Variants in SFXN3 observed in about 807,000 individuals in gnomAD.
SFXN3 encodes sideroflexin-3.
A neutral mutation model predicts 40.4 loss-of-function variants in SFXN3; 31 were observed. That is an observed-to-expected ratio of 0.77 (90% CI 0.58 to 1.04). The LOEUF is 1.04. SFXN3 is among the 50% of genes least tolerant of loss of function. The pLI is 0.00. For synonymous variants in SFXN3, 157 were observed against 160.0 expected, an observed-to-expected ratio of 0.98 and a Z score of 0.14; for missense variants, 366 against 408.2, an observed-to-expected ratio of 0.90 and a Z score of 0.89.
intron 9 of SFXN3, chr10:101,038,193 G>A: frequency 1.2e-6 from 1 of 833,040 alleles, no homozygotes; most frequent in Non-Finnish European, 1.5e-6. Context: ...GCAGTAGGAG[G>A]GGCTTGCACA....
chr10:101,037,701 C>G, intron 9 of SFXN3: 1 of 1,400,870 alleles, frequency 7.1e-7, no homozygotes, highest in Non-Finnish European at 9.3e-7. Context: ...AGGGGACTGT[C>G]ATAGTCATGC....
chr10:101,036,346 C>T lies in SFXN3; in HGVS notation c.432-140C>T, dbSNP rs557924423. ...CTGGGGCTTCTAGACAAGTTTACGC[C>T]GGAGATGGAGGGAAGGCTTCTTCTG... On this transcript the variant is annotated intron_variant, in intron 5 of 11. Transcript: ENST00000393459. The surrounding 1 kb of genome is among the most constrained non-coding windows in gnomAD (Gnocchi z 4.2). 1.2e-4 allele frequency: 102 copies of T among 861,762 alleles called. 1 individual carries two copies. In the South Asian group the frequency reaches 1.4e-3, roughly 12 times the overall value. 53.4% of individuals were successfully genotyped at this position (861,762 alleles called of 1,614,324 possible).
At position 101,039,281 on chromosome 10, in the gene SFXN3, C is replaced by A; in HGVS notation, c.869+59C>A. On this transcript the variant is annotated intron_variant, in intron 11 of 11. Coordinates refer to ENST00000393459, the Ensembl canonical transcript of SFXN3. The surrounding 1 kb of genome is among the most constrained non-coding windows in gnomAD (Gnocchi z 4.6). Reference sequence around the variant, plus strand: ...TGGATTGGACTCTGCATCTCTGGACCAGCTGACCTAGGGTCTTCCAGGGTG... The same window carrying A: ...TGGATTGGACTCTGCATCTCTGGACAAGCTGACCTAGGGTCTTCCAGGGTG... 1 of 1,494,916 alleles carries A rather than the reference C, an allele frequency of 6.7e-7. No homozygotes were observed. The allele number at this position is 1,494,916 out of a possible 1,614,324, so 92.6% of individuals were successfully genotyped here.
At chr10:101,032,683 C>T (rs1387063877) in intron 2 of SFXN3, among the ~76,000 whole-genome samples, 1 of 152,104 alleles carries the variant, frequency 6.6e-6, no homozygotes, top group Non-Finnish European at 1.5e-5. Flanking sequence ...TGCAGATGGG[C>T]ACAGTGTGCG....
chr10:101,036,340 T>C lies in SFXN3; in HGVS notation c.432-146T>C. ...GTGCTACTGGGGCTTCTAGACAAGT[T>C]TACGCCGGAGATGGAGGGAAGGCTT... On this transcript the variant is annotated intron_variant, in intron 5 of 11. Coordinates refer to ENST00000393459, the Ensembl canonical transcript of SFXN3. This position sits in a 1 kb window ranked among gnomAD's most constrained non-coding sequence, Gnocchi z 4.2. The C allele has an allele frequency of 1.2e-6, 1 of 838,170 alleles. No individual in the cohort carries two copies. The highest frequency in any genetic ancestry group is 1.7e-5 in the South Asian group (1 of 59,786). 51.9% of individuals were successfully genotyped at this position (838,170 alleles called of 1,614,324 possible).
chr10:101,039,241 C>A lies in SFXN3; in HGVS notation c.869+19C>A. On this transcript the variant is annotated intron_variant, in intron 11 of 11. Coordinates refer to ENST00000393459, the Ensembl canonical transcript of SFXN3. The surrounding 1 kb of genome is among the most constrained non-coding windows in gnomAD (Gnocchi z 4.6). The stretch of plus-strand genomic sequence containing the variant: ...AGAAGAGGTAAGTGCTGTCCCTGGG[C>A]TGGGTGGGGGACTCTGGATTGGACT... The A allele has an allele frequency of 6.3e-7, 1 of 1,599,698 alleles. No individual in the cohort carries two copies. Among genetic ancestry groups the A allele is most frequent in the South Asian group, 1.1e-5 (1 of 88,848 alleles).
At position 101,036,507 on chromosome 10, in the gene SFXN3, G is replaced by C. The variant is rs1330775782; in HGVS notation, c.453G>C (p.Val151=). Residue 151 remains valine, a synonymous_variant, in exon 6 of 12, where the codon GTG becomes GTC. Transcript: ENST00000393459. The surrounding 1 kb of genome is among the most constrained non-coding windows in gnomAD (Gnocchi z 4.2). ...ACAGGCAGCTGGGGACAGCCTATGT[G>C]AGTGCCACCACTGGAGCTGTGGCCA... 6.2e-7 allele frequency: 1 copy of C among 1,613,996 alleles called. No individual in the cohort carries two copies. The highest frequency in any genetic ancestry group is 8.5e-7 in the Non-Finnish European group (1 of 1,179,996).
chr10:101,037,441 T>G lies in SFXN3; in HGVS notation c.771+10T>G, dbSNP rs1204029670. On this transcript the variant is annotated intron_variant, in intron 9 of 11. Transcript: ENST00000393459. ...GAAAGACTTCCTGAAGGTAGGCGAC[T>G]GTACCTCTCTTGTCCTGGAATGGGC... The G allele has an allele frequency of 1.2e-5, 20 of 1,614,094 alleles. No individual in the cohort carries two copies. The highest frequency in any genetic ancestry group is 1.6e-5 in the Non-Finnish European group (19 of 1,180,040).
chr10:101,038,371 G>GAA lies in SFXN3; in HGVS notation c.772-265_772-264dup, dbSNP rs1374308599. The GAA allele has an allele frequency of 1.4e-5, 19 of 1,370,492 alleles. 1 individual carries two copies. The South Asian group carries it at 3.1e-4, about 22-fold the overall frequency. The allele number at this position is 1,370,492 out of a possible 1,614,324, so 84.9% of individuals were successfully genotyped here. A position where few individuals can be genotyped will look rare whatever the true frequency, so the allele number is the denominator to read the frequency against. ...TCAGCTCCTGGAGGAAGTGAGGGAAGAAAAAAAAGGGCCAGGGAGTGCCAT... is the reference window on the plus strand; with the variant it reads ...TCAGCTCCTGGAGGAAGTGAGGGAAGAAAAAAAAAAGGGCCAGGGAGTGCCAT... On this transcript the variant is annotated intron_variant, in intron 9 of 11. Transcript: ENST00000393459.
intron 9 of SFXN3, 116 bp from the exon 10 acceptor site, chr10:101,038,527 C>T: frequency 6.3e-7 from 1 of 1,581,634 alleles, no homozygotes; most frequent in Non-Finnish European, 8.6e-7. Flanking sequence ...AAGAAAACGG[C>T]CACAGGTCTA....
chr10:101,039,285 TG>T lies in SFXN3; in HGVS notation c.869+64del. The T allele has an allele frequency of 1.4e-6, 2 of 1,470,030 alleles. No individual in the cohort carries two copies. The highest frequency in any genetic ancestry group is 1.9e-6 in the Non-Finnish European group (2 of 1,069,130). The allele number at this position is 1,470,030 out of a possible 1,614,324, so 91.1% of individuals were successfully genotyped here. ...TTGGACTCTGCATCTCTGGACCAGCTGACCTAGGGTCTTCCAGGGTGTTCAG... is the reference window on the plus strand; with the variant it reads ...TTGGACTCTGCATCTCTGGACCAGCTACCTAGGGTCTTCCAGGGTGTTCAG... On this transcript the variant is annotated intron_variant, in intron 11 of 11. Transcript: ENST00000393459. The surrounding 1 kb of genome is among the most constrained non-coding windows in gnomAD (Gnocchi z 4.6).
intron 8 of SFXN3, 70 bp from the exon 9 acceptor site, chr10:101,037,312 T>C: frequency 6.2e-7 from 1 of 1,613,100 alleles, no homozygotes; most frequent in Non-Finnish European, 8.5e-7. Flanking sequence ...TTGAGGGGGG[T>C]CACCCTTCAC....
intron 9 of SFXN3, 25 bp downstream of exon 9, chr10:101,037,456 C>T (rs753513990): frequency 1.2e-6 from 2 of 1,614,100 alleles, no homozygotes; most frequent in Non-Finnish European, 1.7e-6. Context: ...CTCTCTTGTC[C>T]TGGAATGGGC....
At position 101,037,366 on chromosome 10, in the gene SFXN3, C is replaced by G; in HGVS notation, c.722-16C>G. The G allele has an allele frequency of 1.2e-6, 2 of 1,614,126 alleles. No individual in the cohort carries two copies. The highest frequency in any genetic ancestry group is 2.2e-5 in the South Asian group (2 of 91,072). ...CACTACTAATGTTCTCCTTCTTGGCCCTGCTCTCCCCACAGCCATCCCACC... is the reference window on the plus strand; with the variant it reads ...CACTACTAATGTTCTCCTTCTTGGCGCTGCTCTCCCCACAGCCATCCCACC... On this transcript the variant is annotated splice_polypyrimidine_tract_variant and intron_variant, in intron 8 of 11. Transcript: ENST00000393459.
In SFXN3 at chr10:101,034,575, G is replaced by A. The variant is rs563734278; in HGVS notation, c.-3-117G>A. The stretch of plus-strand genomic sequence containing the variant: ...TTTTCCCTACATCTAGTCACCTTGA[G>A]CTCTTGAAGGGACTGATGATAAGCT... On this transcript the variant is annotated intron_variant, in intron 2 of 11. Transcript: ENST00000393459. The A allele has an allele frequency of 1.2e-5, 12 of 1,040,522 alleles. No homozygotes were observed. In the Admixed American group the frequency reaches 2.1e-4, roughly 18 times the overall value. 64.5% of individuals were successfully genotyped at this position (1,040,522 alleles called of 1,614,324 possible). A position where few individuals can be genotyped will look rare whatever the true frequency, so the allele number is the denominator to read the frequency against.
Position 101,036,680 on chromosome 10 carries a change from C to A in SFXN3, c.508-43C>A, listed in dbSNP as rs1251512466. The A allele has an allele frequency of 6.2e-7, 1 of 1,605,732 alleles. No homozygotes were observed. Among genetic ancestry groups the A allele is most frequent in the African/African-American group, 1.3e-5 (1 of 74,792 alleles). On this transcript the variant is annotated intron_variant, in intron 6 of 11. Coordinates refer to ENST00000393459, the Ensembl canonical transcript of SFXN3. This position sits in a 1 kb window ranked among gnomAD's most constrained non-coding sequence, Gnocchi z 4.2. Reference sequence around the variant, plus strand: ...ATATCTCCCCAGAGTCCCTCACCACCCCATGGCCCTTAGGGCCACTGAACA... The same window carrying A: ...ATATCTCCCCAGAGTCCCTCACCACACCATGGCCCTTAGGGCCACTGAACA...
In SFXN3 at chr10:101,035,477, C is replaced by T. The variant is rs1349454116; in HGVS notation, c.162-20C>T. The T allele has an allele frequency of 5.7e-6, 9 of 1,587,750 alleles. No homozygotes were observed. Among genetic ancestry groups the T allele is most frequent in the Middle Eastern group, 2.2e-4 (1 of 4,630 alleles). On this transcript the variant is annotated intron_variant, in intron 3 of 11. Coordinates refer to ENST00000393459, the Ensembl canonical transcript of SFXN3. Reference sequence around the variant, plus strand: ...TCTGCCCCCTGGCATAGCCTGTCTGCTCCTTGCCAACTTCTGCAGGGCCGG... The same window carrying T: ...TCTGCCCCCTGGCATAGCCTGTCTGTTCCTTGCCAACTTCTGCAGGGCCGG...
intron 2 of SFXN3, 74 bp from the exon 3 acceptor site, chr10:101,034,618 G>A (rs1012293131): frequency 2.0e-6 from 3 of 1,531,242 alleles, no homozygotes; most frequent in Non-Finnish European, 1.8e-6. Context: ...CAGGGCAGGG[G>A]CACCAAAGAT....
chr10:101,036,819 C>T lies in SFXN3; in HGVS notation c.593+11C>T. 1 of 1,612,290 alleles carries T rather than the reference C, an allele frequency of 6.2e-7. No individual in the cohort carries two copies. Among genetic ancestry groups the T allele is most frequent in the South Asian group, 1.1e-5 (1 of 91,006 alleles). On this transcript the variant is annotated intron_variant, in intron 7 of 11. Transcript: ENST00000393459. This position sits in a 1 kb window ranked among gnomAD's most constrained non-coding sequence, Gnocchi z 4.2. ...CCTGATGAGGCAGAGGTGAGTGACC[C>T]CGGCTCCTGGCATGTGCATGCCCAG...
Sources: allele counts gnomAD v4.1 joint callset (sites outside exome capture counted in the v4.1 genomes callset), GRCh38; gene constraint gnomAD v4.1.1; non-coding constraint Gnocchi (gnomAD v3.1); transcripts MANE v1.5; gene names NCBI Gene and HGNC (gene_info 2026-07-23, HGNC 2026-07-21).